FRMD4A: variants seen among roughly 807,000 people sequenced by gnomAD.
FRMD4A encodes the protein FERM domain-containing protein 4A.
FRMD4A carries 29 observed loss-of-function variants against 129.1 expected under a neutral mutation model. That is an observed-to-expected ratio of 0.22 (90% CI 0.17 to 0.31). FRMD4A has a LOEUF of 0.31. Among genes scored for constraint, FRMD4A ranks in the 10% least tolerant of loss-of-function variants. The pLI, the probability that FRMD4A is intolerant of heterozygous loss-of-function variation, is 1.00. For synonymous variants in FRMD4A, 634 were observed against 571.6 expected, an observed-to-expected ratio of 1.11 and a Z score of -1.56; for missense variants, 1,272 against 1,375.8, an observed-to-expected ratio of 0.92 and a Z score of 1.19.
At chr10:13,815,409 G>A (rs1215808576) in intron 3 of FRMD4A, among the ~76,000 whole-genome samples, 1 of 152,168 alleles carries the variant, frequency 6.6e-6, no homozygotes, top group African/African-American at 2.4e-5. Context: ...GTGGCAGATG[G>A]GGGGTTATTG....
intron 2 of FRMD4A, among the ~76,000 whole-genome samples, chr10:14,045,674 A>T (rs1588860437): frequency 1.4e-5 from 2 of 141,758 alleles, no homozygotes; most frequent in South Asian, 4.6e-4. Flanking sequence ...TGTCATATTT[A>T]TATTATATTA....
chr10:13,888,011 T>C (rs926584524), intron 2 of FRMD4A, among the ~76,000 whole-genome samples: 4 of 152,352 alleles, frequency 2.6e-5, no homozygotes, highest in South Asian at 4.1e-4. Flanking sequence ...AGAAAACTTT[T>C]TGCAGAAGAG....
intron 2 of FRMD4A, among the ~76,000 whole-genome samples, chr10:13,971,428 G>T (rs942041787): frequency 6.6e-6 from 1 of 152,148 alleles, no homozygotes; most frequent in African/African-American, 2.4e-5. Context: ...CGATCCGGTG[G>T]CTTTGAAAGC....
At chr10:14,035,504 G>T (rs1833457898) in intron 2 of FRMD4A, among the ~76,000 whole-genome samples, 1 of 151,076 alleles carries the variant, frequency 6.6e-6, no homozygotes, top group South Asian at 2.1e-4. Flanking sequence ...TTAAAGAAAA[G>T]ACATTTTAAC....
chr10:13,691,049 A>G (rs948180516), intron 15 of FRMD4A, among the ~76,000 whole-genome samples: 18 of 152,180 alleles, frequency 1.2e-4, no homozygotes, highest in African/African-American at 4.3e-4. Flanking sequence ...GTACAGTAGC[A>G]TCATCTTAGC....
chr10:13,874,119 G>A (rs746572836), intron 2 of FRMD4A, among the ~76,000 whole-genome samples: 13 of 151,382 alleles, frequency 8.6e-5, no homozygotes, highest in Non-Finnish European at 1.3e-4. Flanking sequence ...GTTGGCACAC[G>A]TCTGTAGTCT....
intron 2 of FRMD4A, among the ~76,000 whole-genome samples, chr10:14,154,121 C>T (rs987510501): frequency 1.8e-4 from 28 of 152,036 alleles, no homozygotes; most frequent in African/African-American, 6.3e-4. Context: ...CAGTGACGCC[C>T]GATAGGTTAG....
intron 14 of FRMD4A, among the ~76,000 whole-genome samples, chr10:13,699,640 G>A (rs985345633): frequency 6.6e-6 from 1 of 152,106 alleles, no homozygotes; most frequent in African/African-American, 2.4e-5. Flanking sequence ...TGCGTGGGGG[G>A]TCTGCCGTCA....
At chr10:13,846,203 T>C (rs376632778) in intron 3 of FRMD4A, among the ~76,000 whole-genome samples, 1 of 152,342 alleles carries the variant, frequency 6.6e-6, no homozygotes, top group East Asian at 1.9e-4. Context: ...ATTTGAAATA[T>C]GGTGTATAAA....
chr10:13,907,312 G>A (rs59579217), intron 2 of FRMD4A, among the ~76,000 whole-genome samples: 2,839 of 152,136 alleles, frequency 0.019, 96 homozygotes, highest in African/African-American at 0.065. Flanking sequence ...TCTGTTGGGC[G>A]GTGATGTGCA....
chr10:13,662,499 G>A lies in FRMD4A; in HGVS notation c.1660+954C>T, dbSNP rs1029317215. Among the ~76,000 whole-genome samples, 12 of 152,170 alleles carry A rather than the reference G, an allele frequency of 7.9e-5. No homozygotes were observed. In the East Asian group the frequency reaches 2.1e-3, roughly 27 times the overall value. On this transcript the variant is annotated intron_variant, in intron 19 of 24. Transcript: ENST00000357447. The stretch of plus-strand genomic sequence containing the variant: ...ATATTTCCATATAATTAATGTACCC[G>A]CCTCCCAGTACGATGGTTAAACATC...
chr10:13,727,437 G>T (rs924839814), intron 12 of FRMD4A, among the ~76,000 whole-genome samples: 2 of 152,128 alleles, frequency 1.3e-5, no homozygotes, highest in Admixed American at 1.3e-4. Context: ...GGTTAATGCT[G>T]GGGGGAGGGG....
chr10:13,648,076 C>T (rs776243323), intron 24 of FRMD4A: 6 of 152,172 alleles, frequency 3.9e-5, no homozygotes, highest in Non-Finnish European at 8.8e-5. Context: ...CATTTGCTAA[C>T]CTCTCTAGGA....
intron 9 of FRMD4A, among the ~76,000 whole-genome samples, chr10:13,743,643 A>T (rs7099009): frequency 0.96 from 146,653 of 152,232 alleles, 70,659 homozygotes; most frequent in East Asian, 1. Flanking sequence ...GGCCGACAGC[A>T]GCAGAAATCT....
At chr10:13,741,919 C>T (rs958553731) in intron 9 of FRMD4A, among the ~76,000 whole-genome samples, 8 of 152,154 alleles carry the variant, frequency 5.3e-5, no homozygotes, top group Admixed American at 1.3e-4. Flanking sequence ...TGCTGTGGAG[C>T]GATCTTGGCT....
At chr10:14,189,980 T>C (rs1374119375) in intron 2 of FRMD4A, among the ~76,000 whole-genome samples, 1 of 152,208 alleles carries the variant, frequency 6.6e-6, no homozygotes, top group Non-Finnish European at 1.5e-5. Flanking sequence ...GGCTAAAACA[T>C]GAAGCACCTT....
chr10:13,648,891 T>A (rs2081326545), intron 24 of FRMD4A: 1 of 152,196 alleles, frequency 6.6e-6, no homozygotes, highest in African/African-American at 2.4e-5. Flanking sequence ...AGCCAGTGTT[T>A]CCCAAAGTAG....
chr10:13,826,281 C>A (rs1027108799), intron 3 of FRMD4A, among the ~76,000 whole-genome samples: 4 of 152,182 alleles, frequency 2.6e-5, no homozygotes, highest in African/African-American at 9.7e-5. Context: ...GAGCTGTCAT[C>A]CTTCATCTCG....
rs1225477259 is a variant in FRMD4A, at chr10:13,714,021, A to AAATATATATTTTAT, written c.760-6909_760-6908insATAAAATATATATT. On this transcript the variant is annotated intron_variant, in intron 12 of 24. Transcript: ENST00000357447. ...ATACATATATAATATACATATATAA[A>AAATATATATTTTAT]ATATACATATATATATATATATATA... 8.1e-3 allele frequency among the ~76,000 whole-genome samples: 12 copies of AAATATATATTTTAT among 1,478 alleles called. 5 individuals are homozygous for AAATATATATTTTAT. The highest frequency in any genetic ancestry group is 0.012 in the African/African-American group (10 of 804). The allele number at this position is 1,478 out of a possible 152,430, so 1.0% of individuals were successfully genotyped here. A position where few individuals can be genotyped will look rare whatever the true frequency, so the allele number is the denominator to read the frequency against.
Sources: allele counts gnomAD v4.1 joint callset (sites outside exome capture counted in the v4.1 genomes callset), GRCh38; gene constraint gnomAD v4.1.1; transcripts MANE v1.5; gene names NCBI Gene and HGNC (gene_info 2026-07-23, HGNC 2026-07-21).